The following SLC25A48 variants were observed in gnomAD, a reference collection of about 807,000 sequenced individuals.
SLC25A48 encodes CTC-321K16.1.
In SLC25A48, 29 loss-of-function variants were observed where a neutral mutation model predicts 32.2. The observed-to-expected ratio is 0.90, with a 90% CI of 0.67 to 1.23. The LOEUF (loss-of-function observed/expected upper bound fraction) is 1.23, where lower values mean the gene tolerates loss of function less well. SLC25A48 is among the 50% of genes most tolerant of loss of function. The probability of loss-of-function intolerance (pLI) is 0.00; values close to 1 mark genes in which losing one functional copy is unlikely to be tolerated. For missense variants in SLC25A48, 399 were observed against 422.7 expected (o/e 0.94, Z 0.49); for synonymous variants, 164 against 172.3 (o/e 0.95, Z 0.38).
At chr5:135,692,984 C>T (rs1164006740) in intron 3 of SLC25A48, among the ~76,000 whole-genome samples, 2 of 152,152 alleles carry the variant, frequency 1.3e-5, no homozygotes, top group Non-Finnish European at 2.9e-5. Context: ...AACCTTAATA[C>T]CAGTTAAGAT....
intron 3 of SLC25A48, among the ~76,000 whole-genome samples, chr5:135,757,909 A>G (rs887742629): frequency 3.3e-5 from 5 of 150,444 alleles, no homozygotes; most frequent in Admixed American, 6.6e-5. Flanking sequence ...GGGTTACACA[A>G]TGTTACACTA....
chr5:135,682,639 T>TG (rs951858162), intron 3 of SLC25A48, among the ~76,000 whole-genome samples: 7 of 152,076 alleles, frequency 4.6e-5, no homozygotes, highest in African/African-American at 1.7e-4. Context: ...CATTTCTTTA[T>TG]GGGGGAGAAG....
At position 135,639,102 on chromosome 5, in the gene SLC25A48, G is replaced by A. The variant is rs567879807; in HGVS notation, c.-521+4146G>A. ...AGAAGCTAAAATACGAAAAATATGC[G>A]GCCCAAAAATGATATTCAGATACCA... On this transcript the variant is annotated intron_variant, in intron 3 of 10. Transcript: ENST00000646290. 5.3e-5 allele frequency among the ~76,000 whole-genome samples: 8 copies of A among 152,198 alleles called. No individual in the cohort carries two copies. The South Asian group carries it at 6.2e-4, about 12-fold the overall frequency.
intron 3 of SLC25A48, among the ~76,000 whole-genome samples, chr5:135,753,558 CT>C: frequency 6.6e-6 from 1 of 151,670 alleles, no homozygotes; most frequent in Non-Finnish European, 1.5e-5. Flanking sequence ...AGGTGTGCAC[CT>C]TTGGTGACAT....
intron 6 of SLC25A48, among the ~76,000 whole-genome samples, chr5:135,879,738 A>AGTGCATGT (rs1413216161): frequency 2.0e-5 from 3 of 152,104 alleles, no homozygotes; most frequent in Non-Finnish European, 4.4e-5. Context: ...TATAGTATTT[A>AGTGCATGT]GTGCATGTGT....
At chr5:135,690,141 G>C (rs1049044238) in intron 3 of SLC25A48, among the ~76,000 whole-genome samples, 1 of 152,090 alleles carries the variant, frequency 6.6e-6, no homozygotes, top group Non-Finnish European at 1.5e-5. Flanking sequence ...AAGACAAGTT[G>C]GTCACCCCAA....
chr5:135,713,148 T>G (rs569730654), intron 3 of SLC25A48, among the ~76,000 whole-genome samples: 12 of 152,222 alleles, frequency 7.9e-5, no homozygotes, highest in Non-Finnish European at 1.8e-4. Flanking sequence ...TTGTTGGAAA[T>G]GCAGAATCTC....
intron 5 of SLC25A48, 115 bp from the exon 6 acceptor site, chr5:135,873,906 G>A: frequency 8.3e-7 from 1 of 1,210,076 alleles, no homozygotes; most frequent in East Asian, 2.8e-5. Flanking sequence ...CTAAGCCTGA[G>A]CTCTGTCCCT....
chr5:135,777,636 A>T (rs1001624883), intron 3 of SLC25A48, among the ~76,000 whole-genome samples: 1 of 151,036 alleles, frequency 6.6e-6, no homozygotes, highest in Admixed American at 6.6e-5. Flanking sequence ...CCTAATATCG[A>T]GGAGGAGAGA....
At chr5:135,766,776 A>C (rs931861331) in intron 3 of SLC25A48, among the ~76,000 whole-genome samples, 2 of 151,768 alleles carry the variant, frequency 1.3e-5, no homozygotes, top group Admixed American at 6.6e-5. Flanking sequence ...GGTTCATAAT[A>C]TACGGGGTGG....
chr5:135,757,447 G>A (rs7379714), intron 3 of SLC25A48, among the ~76,000 whole-genome samples: 105,316 of 148,350 alleles, frequency 0.71, 38,782 homozygotes, highest in Non-Finnish European at 0.81. Context: ...ATATATTTAT[G>A]ATGTCTAGTG....
At chr5:135,599,038 T>TC (rs1342992348) in intron 1 of SLC25A48, among the ~76,000 whole-genome samples, 2 of 151,998 alleles carry the variant, frequency 1.3e-5, no homozygotes, top group African/African-American at 4.8e-5. Flanking sequence ...ACCTCCCTTC[T>TC]CGTCATGGCC....
At chr5:135,797,391 A>G (rs747389160) in intron 3 of SLC25A48, among the ~76,000 whole-genome samples, 1 of 151,960 alleles carries the variant, frequency 6.6e-6, no homozygotes, top group Non-Finnish European at 1.5e-5. Flanking sequence ...AGAGAGGATG[A>G]TAGTAATTCC....
chr5:135,693,133 G>A (rs1302358338), intron 3 of SLC25A48, among the ~76,000 whole-genome samples: 1 of 152,146 alleles, frequency 6.6e-6, no homozygotes, highest in Non-Finnish European at 1.5e-5. Flanking sequence ...AACTTAAGAT[G>A]TTCATGGTTT....
intron 3 of SLC25A48, among the ~76,000 whole-genome samples, chr5:135,722,425 T>C (rs948711925): frequency 3.3e-5 from 5 of 152,206 alleles, no homozygotes; most frequent in African/African-American, 4.8e-5. Context: ...ATTTGTGTGT[T>C]TGTAGCAAAA....
chr5:135,818,994 G>A lies in SLC25A48; in HGVS notation c.-117+6068G>A, dbSNP rs199913728. ...GTGATGTCAAGAGGAAAGAGTCTGTGAGCTTAAAGATAGATCCATATGATT... is the reference window on the plus strand; with the variant it reads ...GTGATGTCAAGAGGAAAGAGTCTGTAAGCTTAAAGATAGATCCATATGATT... On this transcript the variant is annotated intron_variant, in intron 4 of 10. Transcript: ENST00000646290. Among the ~76,000 whole-genome samples the A allele has an allele frequency of 5.9e-5, 9 of 152,098 alleles. No homozygotes were observed. The East Asian group carries it at 1.7e-3, about 29-fold the overall frequency.
At chr5:135,770,721 G>A (rs545606810) in intron 3 of SLC25A48, among the ~76,000 whole-genome samples, 1 of 151,530 alleles carries the variant, frequency 6.6e-6, no homozygotes, top group Non-Finnish European at 1.5e-5. Context: ...AAATATCAAA[G>A]AGGTGTATAC....
At chr5:135,673,100 A>G (rs1362841417) in intron 3 of SLC25A48, among the ~76,000 whole-genome samples, 1 of 152,186 alleles carries the variant, frequency 6.6e-6, no homozygotes, top group Non-Finnish European at 1.5e-5. Flanking sequence ...CTGTATGGAT[A>G]TATCACAATG....
intron 3 of SLC25A48, among the ~76,000 whole-genome samples, chr5:135,711,210 T>C (rs1754654959): frequency 1.3e-5 from 2 of 152,196 alleles, no homozygotes; most frequent in African/African-American, 4.8e-5. Context: ...ATTTGAGATA[T>C]TTCTGTTGCA....
Sources: allele counts gnomAD v4.1 joint callset (sites outside exome capture counted in the v4.1 genomes callset), GRCh38; gene constraint gnomAD v4.1.1; transcripts MANE v1.5; gene names NCBI Gene and HGNC (gene_info 2026-07-23, HGNC 2026-07-21).